NRG3: variants seen among roughly 807,000 people sequenced by gnomAD.
NRG3 encodes the protein neuregulin 3.
A neutral mutation model predicts 66.9 loss-of-function variants in NRG3; 31 were observed. The observed-to-expected ratio is 0.46, with a 90% CI of 0.35 to 0.63. NRG3 has a LOEUF of 0.63. NRG3 is among the 20% of genes least tolerant of loss of function. The probability of loss-of-function intolerance (pLI) is 0.00; values close to 1 mark genes in which losing one functional copy is unlikely to be tolerated. For synonymous variants in NRG3, 393 were observed against 359.4 expected (o/e 1.09, Z -1.06); for missense variants, 910 against 878.9 (o/e 1.04, Z -0.45).
At chr10:82,782,316 T>G (rs1220342288) in intron 3 of NRG3, among the ~76,000 whole-genome samples, 2 of 152,136 alleles carry the variant, frequency 1.3e-5, no homozygotes, top group African/African-American at 4.8e-5. Flanking sequence ...TTGTTCCTCT[T>G]TCTCCTGCAT....
chr10:82,044,671 A>G (rs1291583146), intron 1 of NRG3, among the ~76,000 whole-genome samples: 2 of 151,850 alleles, frequency 1.3e-5, no homozygotes, highest in Non-Finnish European at 2.9e-5. Context: ...GGTGTGCTGC[A>G]CCTATTAACT....
intron 4 of NRG3, among the ~76,000 whole-genome samples, chr10:82,895,292 TC>T (rs1177665416): frequency 1.3e-5 from 2 of 152,114 alleles, no homozygotes; most frequent in Admixed American, 6.5e-5. Flanking sequence ...TTAGCACTGT[TC>T]CCCACATCCT....
intron 1 of NRG3, among the ~76,000 whole-genome samples, chr10:82,025,878 A>G (rs1405871581): frequency 6.6e-6 from 1 of 151,990 alleles, no homozygotes; most frequent in Non-Finnish European, 1.5e-5. Context: ...GTGAGATTAT[A>G]TAGCACCCTT....
At chr10:82,484,438 T>G (rs1312334006) in intron 2 of NRG3, among the ~76,000 whole-genome samples, 1 of 152,216 alleles carries the variant, frequency 6.6e-6, no homozygotes, top group Non-Finnish European at 1.5e-5. Context: ...ATGTAAAGAA[T>G]TTAGTACTGT....
intron 1 of NRG3, among the ~76,000 whole-genome samples, chr10:82,085,550 A>C (rs2065667234): frequency 6.6e-6 from 1 of 152,042 alleles, no homozygotes; most frequent in Non-Finnish European, 1.5e-5. Flanking sequence ...GAGAGAAGAA[A>C]AGGGGGACAG....
intron 2 of NRG3, among the ~76,000 whole-genome samples, chr10:82,505,573 A>C (rs915089377): frequency 6.6e-5 from 10 of 152,138 alleles, no homozygotes; most frequent in African/African-American, 2.4e-4. Context: ...CGTTTGTGTA[A>C]GTCAGTGCAC....
intron 1 of NRG3, among the ~76,000 whole-genome samples, chr10:81,991,870 G>A (rs1316396261): frequency 4.6e-5 from 7 of 151,958 alleles, no homozygotes; most frequent in African/African-American, 1.7e-4. Flanking sequence ...AGTAAACTAT[G>A]TAAATTCCCA....
intron 1 of NRG3, among the ~76,000 whole-genome samples, chr10:82,068,816 C>A (rs2064639856): frequency 6.6e-6 from 1 of 152,012 alleles, no homozygotes; most frequent in Non-Finnish European, 1.5e-5. Flanking sequence ...TGTTTTTTAT[C>A]CTCAGACTAT....
chr10:82,195,890 T>A (rs937320014), intron 1 of NRG3, among the ~76,000 whole-genome samples: 1 of 152,208 alleles, frequency 6.6e-6, no homozygotes, highest in Non-Finnish European at 1.5e-5. Flanking sequence ...TGAAGGAATG[T>A]AGGCAAGAAA....
chr10:82,452,556 A>T (rs150032601), intron 2 of NRG3, among the ~76,000 whole-genome samples: 57 of 152,276 alleles, frequency 3.7e-4, no homozygotes, highest in African/African-American at 1.3e-3. Flanking sequence ...TTCATCTCAG[A>T]TAGAGAAATA....
intron 1 of NRG3, among the ~76,000 whole-genome samples, chr10:82,060,697 A>T (rs2064094881): frequency 6.6e-6 from 1 of 152,146 alleles, no homozygotes; most frequent in South Asian, 2.1e-4. Context: ...GTCTGTATGG[A>T]TAATTCACCT....
chr10:82,944,548 A>C (rs1271150155), intron 4 of NRG3, among the ~76,000 whole-genome samples: 1 of 152,210 alleles, frequency 6.6e-6, no homozygotes, highest in Admixed American at 6.5e-5. Context: ...ACATTTTTTA[A>C]GATGATGATA....
At chr10:81,928,847 G>T (rs1222054598) in intron 1 of NRG3, among the ~76,000 whole-genome samples, 4 of 151,794 alleles carry the variant, frequency 2.6e-5, no homozygotes, top group Admixed American at 6.6e-5. Context: ...TTTTTTTTGA[G>T]AGTTTAGCTC....
chr10:82,365,278 G>C (rs2084450070), intron 2 of NRG3, among the ~76,000 whole-genome samples: 1 of 152,148 alleles, frequency 6.6e-6, no homozygotes, highest in Non-Finnish European at 1.5e-5. Flanking sequence ...GGGAATGAAG[G>C]CTAAAATATC....
chr10:81,914,769 C>CAAAAAAAAAAAAAAAAAAAA (rs58460918), intron 1 of NRG3, among the ~76,000 whole-genome samples: 1 of 67,196 alleles, frequency 1.5e-5, no homozygotes, highest in Non-Finnish European at 3.2e-5. Flanking sequence ...AAACAGAAAG[C>CAAAAAAAAAAAAAAAAAAAA]AAAAAAAAAA....
At chr10:82,311,765 G>A (rs2081041982) in intron 1 of NRG3, among the ~76,000 whole-genome samples, 1 of 152,054 alleles carries the variant, frequency 6.6e-6, no homozygotes, top group Admixed American at 6.6e-5. Flanking sequence ...CACTCCCCCA[G>A]TTTCTTATAG....
intron 1 of NRG3, among the ~76,000 whole-genome samples, chr10:82,250,878 G>A (rs2077453352): frequency 6.6e-6 from 1 of 152,194 alleles, no homozygotes; most frequent in Non-Finnish European, 1.5e-5. Flanking sequence ...ACCAAGGCAT[G>A]AGTCTGCTGT....
At chr10:82,764,953 G>A (rs942507708) in intron 3 of NRG3, among the ~76,000 whole-genome samples, 1 of 152,094 alleles carries the variant, frequency 6.6e-6, no homozygotes, top group African/African-American at 2.4e-5. Context: ...ATGACAAAGT[G>A]TAGTTTAAAT....
At chr10:82,958,740 A>G (rs201383817) in intron 5 of NRG3, among the ~76,000 whole-genome samples, 2 of 152,168 alleles carry the variant, frequency 1.3e-5, no homozygotes, top group East Asian at 3.9e-4. Flanking sequence ...CTGAATGTGA[A>G]TTCCTAGAGA....
Sources: gnomAD v4.1 joint callset for allele counts (sites outside exome capture counted in the v4.1 genomes callset) on GRCh38, gnomAD v4.1.1 for gene constraint, MANE v1.5 for transcripts, NCBI Gene and HGNC (gene_info 2026-07-23, HGNC 2026-07-21) for gene names.